The following SPACA1 variants were observed in gnomAD, a reference collection of about 807,000 sequenced individuals.
SPACA1 encodes sperm acrosome membrane-associated protein 1.
Under a neutral mutation model 32.6 loss-of-function variants are expected in SPACA1, and 17 were observed. The observed-to-expected ratio is 0.52, with a 90% confidence interval of 0.36 to 0.78. SPACA1 has a LOEUF of 0.78. Ranked by LOEUF, SPACA1 falls within the 30% of genes least tolerant of loss-of-function variation. The pLI is 0.01. For synonymous variants in SPACA1, 140 were observed against 138.1 expected (o/e 1.01, Z -0.10); for missense variants, 363 against 373.4 (o/e 0.97, Z 0.23).
chr6:88,047,489 C>T (rs1775653936), upstream of SPACA1, among the ~76,000 whole-genome samples: 1 of 152,044 alleles, frequency 6.6e-6, no homozygotes, highest in Admixed American at 6.6e-5. Context: ...ACATTATGTA[C>T]GAAAAAGAAA....
At chr6:88,047,128 C>A (rs2127796467), upstream of SPACA1, among the ~76,000 whole-genome samples, 1 of 152,190 alleles carries the variant, frequency 6.6e-6, no homozygotes, top group Non-Finnish European at 1.5e-5. Context: ...TCCCAATCAC[C>A]CCCACTAAAG....
intron 2 of SPACA1, among the ~76,000 whole-genome samples, chr6:88,055,697 G>A (rs895011336): frequency 3.3e-5 from 5 of 152,360 alleles, no homozygotes; most frequent in South Asian, 2.1e-4. Flanking sequence ...TAAGCCGGGC[G>A]CGGTGGCTCA....
At chr6:88,055,319 A>T (rs552800521) in intron 2 of SPACA1, among the ~76,000 whole-genome samples, 1 of 152,318 alleles carries the variant, frequency 6.6e-6, no homozygotes, top group Admixed American at 6.5e-5. Context: ...GATGCTAGGG[A>T]TATGAGCAGA....
chr6:88,057,567 T>C, intron 2 of SPACA1, 45 bp from the exon 3 acceptor site: 1 of 1,333,248 alleles, frequency 7.5e-7, no homozygotes, highest in Non-Finnish European at 1.1e-6. Context: ...CACTCTGGAA[T>C]CAGTTTTTTT....
chr6:88,056,460 T>G (rs765588351), intron 2 of SPACA1, among the ~76,000 whole-genome samples: 1 of 152,220 alleles, frequency 6.6e-6, no homozygotes, highest in Non-Finnish European at 1.5e-5. Context: ...TTTTCTTGTT[T>G]CGTATGTAGC....
chr6:88,048,783 C>CT (rs11312190), intron 1 of SPACA1, among the ~76,000 whole-genome samples: 1 of 152,048 alleles, frequency 6.6e-6, no homozygotes, highest in East Asian at 1.9e-4. Flanking sequence ...CATACATTTG[C>CT]TTTTTTTTCT....
intron 2 of SPACA1, among the ~76,000 whole-genome samples, chr6:88,055,303 G>T (rs186466861): frequency 1.3e-5 from 2 of 152,230 alleles, no homozygotes; most frequent in African/African-American, 4.8e-5. Flanking sequence ...GCCAGGCATC[G>T]TTATAGATGC....
rs115788074 is a variant in SPACA1, at chr6:88,053,116, G to T, written c.209-830G>T. Among the ~76,000 whole-genome samples, 1,266 of 152,290 alleles carry T rather than the reference G, an allele frequency of 8.3e-3. 12 individuals are homozygous for T. Among genetic ancestry groups the T allele is most frequent in the African/African-American group, 0.024 (980 of 41,552 alleles). Reference sequence around the variant, plus strand: ...GCAGAAGGGTTAACTAAGCCTGACAGCATTTAATTAAATTTGCTTAAATGC... The same window carrying T: ...GCAGAAGGGTTAACTAAGCCTGACATCATTTAATTAAATTTGCTTAAATGC... On this transcript the variant is annotated intron_variant, in intron 1 of 6. Coordinates refer to ENST00000237201, the MANE Select transcript of SPACA1 (RefSeq NM_030960.3).
chr6:88,054,884 A>G (rs1775783463), intron 2 of SPACA1, among the ~76,000 whole-genome samples: 1 of 152,184 alleles, frequency 6.6e-6, no homozygotes, highest in African/African-American at 2.4e-5. Context: ...TGACTTAAGC[A>G]TATTCACATT....
intron 6 of SPACA1, among the ~76,000 whole-genome samples, chr6:88,065,603 G>A (rs971108385): frequency 2.7e-5 from 4 of 150,772 alleles, no homozygotes; most frequent in African/African-American, 9.7e-5. Flanking sequence ...AAATGATTTT[G>A]TTATGTATTG....
chr6:88,056,192 A>C (rs1775804307), intron 2 of SPACA1, among the ~76,000 whole-genome samples: 1 of 152,008 alleles, frequency 6.6e-6, no homozygotes, highest in Non-Finnish European at 1.5e-5. Flanking sequence ...TGTCTCTACC[A>C]AAAATACAAA....
rs201149863 is a variant in SPACA1, at chr6:88,058,822, A to C, written c.474A>C (p.Gln158His). 1 of 1,596,750 alleles carries C rather than the reference A, an allele frequency of 6.3e-7. No individual in the cohort carries two copies. The highest frequency in any genetic ancestry group is 1.3e-5 in the African/African-American group (1 of 74,640). The change falls in exon 4 of 7, where the codon CAA (glutamine) becomes CAC (histidine). Residue 158 changes from glutamine to histidine, a missense_variant and splice_region_variant. Transcript: ENST00000237201. ...KYMWKLLRQDQQSIILVNDSA... is the reference protein window; with the variant it reads ...KYMWKLLRQDHQSIILVNDSA... ...TGTGGAAACTTCTAAGACAAGACCAAGTGAGTAATGAATGGATATAACCTG... is the reference window on the plus strand; with the variant it reads ...TGTGGAAACTTCTAAGACAAGACCACGTGAGTAATGAATGGATATAACCTG...
intron 2 of SPACA1, among the ~76,000 whole-genome samples, chr6:88,056,114 G>A (rs1353822018): frequency 1.3e-5 from 2 of 152,224 alleles, no homozygotes; most frequent in Non-Finnish European, 2.9e-5. Flanking sequence ...CCAGCACTTT[G>A]GGAGGCTGAG....
At chr6:88,059,713 T>G (rs975165014) in intron 5 of SPACA1, 125 bp downstream of exon 5, 205 of 965,998 alleles carry the variant, frequency 2.1e-4, no homozygotes, top group Non-Finnish European at 1.6e-4. Flanking sequence ...TCAGTAGATT[T>G]GGGATGGGAC....
chr6:88,056,929 A>G (rs1291260701), intron 2 of SPACA1, among the ~76,000 whole-genome samples: 2 of 152,342 alleles, frequency 1.3e-5, no homozygotes, highest in East Asian at 3.9e-4. Flanking sequence ...TTGGTCAGTA[A>G]TAGGTTCTCC....
At chr6:88,057,870 A>G (rs1382379162) in intron 3 of SPACA1, among the ~76,000 whole-genome samples, 157 bp downstream of exon 3, 1 of 152,242 alleles carries the variant, frequency 6.6e-6, no homozygotes, top group Non-Finnish European at 1.5e-5. Context: ...AAACAGTTAT[A>G]GTTCTGAGCA....
At chr6:88,056,787 C>T (rs73494271) in intron 2 of SPACA1, among the ~76,000 whole-genome samples, 2 of 152,220 alleles carry the variant, frequency 1.3e-5, no homozygotes, top group African/African-American at 4.8e-5. Flanking sequence ...TAGCTAATCC[C>T]ATGTTTTGTT....
At chr6:88,054,037 G>T in intron 2 of SPACA1, 35 bp downstream of exon 2, 2 of 1,599,480 alleles carry the variant, frequency 1.3e-6, no homozygotes, top group Non-Finnish European at 1.7e-6. Context: ...AAACCATGTT[G>T]TAATTTGCGG....
chr6:88,054,676 AG>A (rs914831738), intron 2 of SPACA1, among the ~76,000 whole-genome samples: 2 of 152,156 alleles, frequency 1.3e-5, no homozygotes, highest in African/African-American at 4.8e-5. Flanking sequence ...AATAGTGATG[AG>A]AGGGAAAACG....
Sources: allele counts gnomAD v4.1 joint callset (sites outside exome capture counted in the v4.1 genomes callset), GRCh38; gene constraint gnomAD v4.1.1; transcripts MANE v1.5; gene names NCBI Gene and HGNC (gene_info 2026-07-23, HGNC 2026-07-21).